Variants in ZBTB49 observed in about 807,000 individuals in gnomAD.
ZBTB49 encodes the protein zinc finger and BTB domain-containing protein 49.
In ZBTB49, 43 loss-of-function variants were observed where a neutral mutation model predicts 57.5. The ratio of observed to expected loss-of-function variants is 0.75; its 90% CI spans 0.59 to 0.97. ZBTB49 has a LOEUF of 0.97. Among genes scored for constraint, ZBTB49 ranks in the 50% least tolerant of loss-of-function variants. The pLI is 0.00. For synonymous variants in ZBTB49, 369 were observed against 362.1 expected (o/e 1.02, Z -0.22); for missense variants, 938 against 947.7 (o/e 0.99, Z 0.13).
intron 1 of ZBTB49, among the ~76,000 whole-genome samples, chr4:4,291,195 G>C (rs1248499955): frequency 6.6e-6 from 1 of 152,236 alleles, no homozygotes; most frequent in Non-Finnish European, 1.5e-5. Context: ...TTAAACAACA[G>C]AAATTTATTA....
downstream of ZBTB49, chr4:4,321,783 AT>A: frequency 5.8e-6 from 1 of 171,668 alleles, no homozygotes; most frequent in Non-Finnish European, 1.2e-5. Flanking sequence ...TTTTCTATAT[AT>A]TATATGTTTC....
intron 3 of ZBTB49, 107 bp downstream of exon 3, chr4:4,303,198 A>C: frequency 3.0e-6 from 4 of 1,330,304 alleles, no homozygotes; most frequent in Admixed American, 2.7e-5. Flanking sequence ...GTTTGATGTC[A>C]TTGATGATTT....
rs1721420157 is a variant in ZBTB49 at position 4,321,580 on chromosome 4, C to T, written c.*264C>T. The stretch of plus-strand genomic sequence containing the variant: ...CTTGATGCTGTCTCAGCAGCCTCAG[C>T]TGTGGGGGGGAAGCGCGTGTGCATC... On this transcript the variant is annotated 3_prime_UTR_variant, in exon 8 of 8. Transcript: ENST00000337872. 1 of 523,870 alleles carries T rather than the reference C, an allele frequency of 1.9e-6. No individual in the cohort carries two copies. Among genetic ancestry groups the T allele is most frequent in the Non-Finnish European group, 3.4e-6 (1 of 295,774 alleles). 32.5% of individuals were successfully genotyped at this position (523,870 alleles called of 1,614,324 possible). A position where few individuals can be genotyped will look rare whatever the true frequency, so the allele number is the denominator to read the frequency against.
Position 4,290,278 on chromosome 4 carries a change from G to T in ZBTB49, c.-94G>T, listed in dbSNP as rs968478440. ...TGTCGTGATGATTCCGCGGCCAGCG[G>T]ATCGCTGCGAGTGGCCTTGAAGGCA... On this transcript the variant is annotated 5_prime_UTR_variant, in exon 1 of 8. Transcript: ENST00000337872. 1 of 152,360 alleles carries T rather than the reference G, an allele frequency of 6.6e-6. No homozygotes were observed. Among genetic ancestry groups the T allele is most frequent in the Non-Finnish European group, 1.5e-5 (1 of 68,152 alleles). The allele number at this position is 152,360 out of a possible 1,614,324, so 9.4% of individuals were successfully genotyped here.
At chr4:4,310,511 A>ACT (rs1553806415) in intron 4 of ZBTB49, among the ~76,000 whole-genome samples, 1 of 141,336 alleles carries the variant, frequency 7.1e-6, no homozygotes, top group Non-Finnish European at 1.5e-5. Context: ...ACTTGCTAGA[A>ACT]TTTTTTTTTT....
chr4:4,320,406 C>G (rs999342020), intron 7 of ZBTB49, among the ~76,000 whole-genome samples: 14 of 152,016 alleles, frequency 9.2e-5, no homozygotes, highest in African/African-American at 3.4e-4. Context: ...AGGGGAGAAT[C>G]CTTCCAGAAT....
At position 4,302,274 on chromosome 4, in the gene ZBTB49, T is replaced by C. The variant is rs1720513594; in HGVS notation, c.438T>C (p.Cys146=). 6.2e-7 allele frequency: 1 copy of C among 1,614,176 alleles called. No individual in the cohort carries two copies. The highest frequency in any genetic ancestry group is 8.5e-7 in the Non-Finnish European group (1 of 1,179,978). The change falls in exon 3 of 8, where the codon TGT becomes TGC. Residue 146 remains cysteine, a synonymous_variant. Coordinates refer to ENST00000337872, the MANE Select transcript of ZBTB49 (RefSeq NM_145291.4). ...LQSTLTPDAT[C]VISENYPPHL... is the part of the protein sequence containing the mutation. The stretch of plus-strand genomic sequence containing the variant: ...GCACCCTGACCCCAGATGCCACTTG[T>C]GTTATCAGTGAAAACTACCCCCCTC...
rs925120157 is a variant in ZBTB49, at chr4:4,302,488, A to G, written c.652A>G (p.Asn218Asp). ...GCCAAATTACTATTACAAACTCAGA[A>G]ACTTTTACAGTAAGCAGTACCATAA... ...KQPNYYYKLR[N>D]FYSKQYHKHA... Residue 218 changes from asparagine (N) to aspartate (D), a missense_variant, in exon 3 of 8, where the codon AAC becomes GAC. By Grantham distance (23) the Asn-to-Asp change is conservative (BLOSUM62 1). Coordinates refer to ENST00000337872, the MANE Select transcript of ZBTB49 (RefSeq NM_145291.4). The G allele has an allele frequency of 1.9e-6, 3 of 1,614,160 alleles. No homozygotes were observed. Among genetic ancestry groups the G allele is most frequent in the Non-Finnish European group, 1.7e-6 (2 of 1,180,024 alleles).
chr4:4,305,174 TATA>T (rs1400172266), intron 3 of ZBTB49, among the ~76,000 whole-genome samples: 1 of 151,354 alleles, frequency 6.6e-6, no homozygotes, highest in African/African-American at 2.4e-5. Context: ...TTAATATAAA[TATA>T]ATTATTCAGG....
At chr4:4,301,550 A>G (rs1333032943) in intron 2 of ZBTB49, among the ~76,000 whole-genome samples, 1 of 152,186 alleles carries the variant, frequency 6.6e-6, no homozygotes, top group Non-Finnish European at 1.5e-5. Context: ...TGAAATAGTG[A>G]AAAGTATATA....
At chr4:4,317,066 A>T (rs1721221083) in intron 7 of ZBTB49, among the ~76,000 whole-genome samples, 1 of 152,124 alleles carries the variant, frequency 6.6e-6, no homozygotes, top group Non-Finnish European at 1.5e-5. Context: ...ACTAATTTAA[A>T]ATGTCAGTTC....
intron 3 of ZBTB49, 38 bp downstream of exon 3, chr4:4,303,129 G>A (rs375044535): frequency 9.2e-6 from 14 of 1,525,508 alleles, no homozygotes; most frequent in Admixed American, 6.5e-5. Context: ...AGGGAAGGAC[G>A]TAATGCGGAT....
In ZBTB49 at chr4:4,294,235, T is replaced by C. The variant is rs1720081404; in HGVS notation, c.-20+3883T>C. On this transcript the variant is annotated intron_variant, in intron 1 of 7. Coordinates refer to ENST00000337872, the MANE Select transcript of ZBTB49 (RefSeq NM_145291.4). ...TTTCCAGACCTTTTTATAACCTCATTGGGGTTTCCAGACCTTTTAATAACC... is the reference window on the plus strand; with the variant it reads ...TTTCCAGACCTTTTTATAACCTCATCGGGGTTTCCAGACCTTTTAATAACC... Among the ~76,000 whole-genome samples, 3 of 152,318 alleles carry C rather than the reference T, an allele frequency of 2.0e-5. No individual in the cohort carries two copies. In the South Asian group the frequency reaches 6.2e-4, roughly 32 times the overall value.
In ZBTB49 at chr4:4,302,916, A is replaced by C; in HGVS notation, c.1080A>C (p.Glu360Asp). Residue 360 changes from glutamate to aspartate, a missense_variant, in exon 3 of 8, where the codon GAA (glutamate) becomes GAC (aspartate). By Grantham distance (45) the Glu-to-Asp change is conservative. Around this residue, in one of 3 missense-constraint regions of ZBTB49, gnomAD observed 835 missense variants for 819.1 expected, o/e 1.02. Coordinates refer to ENST00000337872, the MANE Select transcript of ZBTB49 (RefSeq NM_145291.4). Reference protein sequence around the residue: ...SQSAEEKESEEVVSCENFNCI... With the variant: ...SQSAEEKESEDVVSCENFNCI... ...GTGCTGAAGAAAAAGAAAGTGAAGA[A>C]GTCGTCAGTTGTGAGAATTTTAATT... 1 of 1,614,248 alleles carries C rather than the reference A, an allele frequency of 6.2e-7. No homozygotes were observed. Among genetic ancestry groups the C allele is most frequent in the Non-Finnish European group, 8.5e-7 (1 of 1,180,044 alleles).
chr4:4,294,018 C>T (rs1720068521), intron 1 of ZBTB49, among the ~76,000 whole-genome samples: 1 of 152,202 alleles, frequency 6.6e-6, no homozygotes, highest in Non-Finnish European at 1.5e-5. Flanking sequence ...TCCTCATTGT[C>T]CTCACCTGTA....
chr4:4,304,856 A>G (rs1720669432), intron 3 of ZBTB49, among the ~76,000 whole-genome samples: 1 of 152,148 alleles, frequency 6.6e-6, no homozygotes, highest in South Asian at 2.1e-4. Context: ...TACCTGTTCT[A>G]AAGGTCACTC....
rs773400430 is a variant in ZBTB49, at chr4:4,302,683, G to A, written c.847G>A (p.Asp283Asn). ...PSNFLAQPVNDSAPHPESDAT... is the reference protein window; with the variant it reads ...PSNFLAQPVNNSAPHPESDAT... The stretch of plus-strand genomic sequence containing the variant: ...CAACTTCCTGGCCCAGCCTGTGAAT[G>A]ACTCTGCCCCACACCCTGAGTCAGA... The change falls in exon 3 of 8, where the codon GAC (aspartate) becomes AAC (asparagine). Residue 283 changes from aspartate to asparagine, a missense_variant. Asp to Asn is a conservative substitution (Grantham distance 23). This residue lies in a region of ZBTB49 where 835 missense variants were observed against 819.1 expected (regional missense o/e 1.02). Coordinates refer to ENST00000337872, the MANE Select transcript of ZBTB49 (RefSeq NM_145291.4). 4.3e-6 allele frequency: 7 copies of A among 1,610,520 alleles called. No individual in the cohort carries two copies. The South Asian group carries it at 6.6e-5, about 15-fold the overall frequency.
At chr4:4,312,824 G>A (rs562898934) in intron 4 of ZBTB49, among the ~76,000 whole-genome samples, 3 of 152,310 alleles carry the variant, frequency 2.0e-5, no homozygotes, top group East Asian at 1.9e-4. Context: ...CATGGAGGAC[G>A]GGGTGGAGAC....
chr4:4,310,067 A>G (rs1178952472), intron 4 of ZBTB49, among the ~76,000 whole-genome samples: 3 of 152,142 alleles, frequency 2.0e-5, no homozygotes, highest in African/African-American at 2.4e-5. Context: ...CATGATAGGG[A>G]ATAGATGCTG....
Sources: gnomAD v4.1 joint callset for allele counts (sites outside exome capture counted in the v4.1 genomes callset) on GRCh38, gnomAD v4.1.1 for gene constraint, gnomAD v4.1.1 regional missense constraint, MANE v1.5 for transcripts, NCBI Gene and HGNC (gene_info 2026-07-23, HGNC 2026-07-21) for gene names.